TTC28: variants seen among roughly 807,000 people sequenced by gnomAD.
TTC28 encodes the protein tetratricopeptide repeat domain 28.
In TTC28, 61 loss-of-function variants were observed where a neutral mutation model predicts 198.0. That is an observed-to-expected ratio of 0.31 (90% CI 0.25 to 0.38). The LOEUF (loss-of-function observed/expected upper bound fraction) is 0.38. TTC28 is among the 10% of genes least tolerant of loss of function. The pLI is 1.00. For missense variants in TTC28, 2,678 were observed against 3,164.0 expected (o/e 0.85, Z 3.69); for synonymous variants, 1,171 against 1,297.8 (o/e 0.90, Z 2.10).
At chr22:28,617,303 C>T (rs1329575937) in intron 2 of TTC28, among the ~76,000 whole-genome samples, 1 of 148,522 alleles carries the variant, frequency 6.7e-6, no homozygotes, top group Non-Finnish European at 1.5e-5. Flanking sequence ...GTGTTCAAGA[C>T]CATGGGTAAC....
At chr22:28,428,465 A>G (rs1225668242) in intron 2 of TTC28, among the ~76,000 whole-genome samples, 1 of 151,870 alleles carries the variant, frequency 6.6e-6, no homozygotes, top group Non-Finnish European at 1.5e-5. Context: ...ATAGCACCCT[A>G]TCTGTGGTAC....
intron 2 of TTC28, among the ~76,000 whole-genome samples, chr22:28,530,604 T>A (rs1398920308): frequency 6.6e-6 from 1 of 152,094 alleles, no homozygotes; most frequent in African/African-American, 2.4e-5. Flanking sequence ...AGACACGTAA[T>A]TGTCAGATTC....
intron 3 of TTC28, chr22:28,303,860 A>C (rs1487241101): frequency 1.3e-5 from 2 of 151,754 alleles, no homozygotes; most frequent in African/African-American, 4.8e-5. Flanking sequence ...AAAATACAAA[A>C]AAAAAAAAAA....
intron 5 of TTC28, among the ~76,000 whole-genome samples, chr22:28,291,976 C>A (rs916524616): frequency 6.6e-6 from 1 of 151,852 alleles, no homozygotes; most frequent in South Asian, 2.1e-4. Context: ...ATTATAATTA[C>A]ATATATGACT....
chr22:28,644,301 A>G (rs2146245333), intron 1 of TTC28, among the ~76,000 whole-genome samples: 1 of 151,576 alleles, frequency 6.6e-6, no homozygotes, highest in African/African-American at 2.4e-5. Context: ...GAGGAGGCTG[A>G]GGCAGGAGAA....
chr22:28,635,022 A>T (rs2051245144), intron 1 of TTC28, among the ~76,000 whole-genome samples: 1 of 152,238 alleles, frequency 6.6e-6, no homozygotes, highest in African/African-American at 2.4e-5. Context: ...TTAATGAGTT[A>T]GAATAGTACT....
At chr22:28,599,383 C>G (rs1303474608) in intron 2 of TTC28, among the ~76,000 whole-genome samples, 1 of 152,178 alleles carries the variant, frequency 6.6e-6, no homozygotes, top group African/African-American at 2.4e-5. Flanking sequence ...GAAAGAAATG[C>G]TTTGCTATGA....
At chr22:28,394,008 G>A (rs1286065612) in intron 2 of TTC28, among the ~76,000 whole-genome samples, 2 of 152,072 alleles carry the variant, frequency 1.3e-5, no homozygotes, top group African/African-American at 4.8e-5. Context: ...CAAGTAGCTG[G>A]GACTACAGGT....
At chr22:28,360,934 T>C (rs1240330770) in intron 2 of TTC28, among the ~76,000 whole-genome samples, 1 of 152,236 alleles carries the variant, frequency 6.6e-6, no homozygotes, top group Non-Finnish European at 1.5e-5. Flanking sequence ...TCTTTCATGT[T>C]ACTATTGTAA....
chr22:28,325,841 C>A (rs1444976853), intron 2 of TTC28, among the ~76,000 whole-genome samples: 1 of 152,032 alleles, frequency 6.6e-6, no homozygotes, highest in African/African-American at 2.4e-5. Context: ...GGAAAAATGA[C>A]AATACCAAGT....
At chr22:28,520,248 A>G (rs2048877250) in intron 2 of TTC28, among the ~76,000 whole-genome samples, 1 of 152,242 alleles carries the variant, frequency 6.6e-6, no homozygotes, top group African/African-American at 2.4e-5. Flanking sequence ...ACAAAATTGA[A>G]AGGACCTAAT....
Position 27,983,364 on chromosome 22 carries a change from C to G in TTC28, c.6303G>C (p.Gly2101=). The part of the protein sequence containing the change: ...GGMRVSVSSK[G]SISTPNSPVK... ...CTGGAGAATTTGGAGTGCTGATGCT[C>G]CCTTTGGAGCTCACCGAGACTCTCA... Residue 2101 remains glycine, a synonymous_variant, in exon 23 of 23, where the codon GGG becomes GGC. Coordinates refer to ENST00000397906, the MANE Select transcript of TTC28 (RefSeq NM_001145418.2). 6.4e-7 allele frequency: 1 copy of G among 1,551,300 alleles called. No individual in the cohort carries two copies. The highest frequency in any genetic ancestry group is 2.4e-5 in the East Asian group (1 of 40,884).
intron 12 of TTC28, among the ~76,000 whole-genome samples, chr22:28,068,039 T>C (rs1043372481): frequency 3.3e-5 from 5 of 152,200 alleles, no homozygotes; most frequent in African/African-American, 1.2e-4. Context: ...AACTTCATTA[T>C]TGCAGGCCAA....
chr22:28,563,702 T>C (rs190145372), intron 2 of TTC28, among the ~76,000 whole-genome samples: 5 of 152,260 alleles, frequency 3.3e-5, no homozygotes, highest in Admixed American at 6.5e-5. Flanking sequence ...GCTGGTGGGA[T>C]GTAAAATGAT....
intron 2 of TTC28, among the ~76,000 whole-genome samples, chr22:28,501,682 A>G (rs1190744301): frequency 6.6e-6 from 1 of 152,220 alleles, no homozygotes; most frequent in Non-Finnish European, 1.5e-5. Flanking sequence ...AAAATATTAC[A>G]TATCAATGCA....
chr22:28,368,757 A>T (rs950910667), intron 2 of TTC28, among the ~76,000 whole-genome samples: 4 of 152,156 alleles, frequency 2.6e-5, no homozygotes, highest in African/African-American at 9.6e-5. Flanking sequence ...AACAACAAGC[A>T]ATCTGAAAAA....
At chr22:28,394,491 G>A (rs982940582) in intron 2 of TTC28, among the ~76,000 whole-genome samples, 3 of 152,180 alleles carry the variant, frequency 2.0e-5, no homozygotes, top group Non-Finnish European at 2.9e-5. Context: ...GTACTTCCCT[G>A]CTAAGGTTTC....
intron 2 of TTC28, among the ~76,000 whole-genome samples, chr22:28,462,292 C>G (rs969066059): frequency 7.2e-5 from 11 of 152,148 alleles, no homozygotes; most frequent in Non-Finnish European, 1.3e-4. Flanking sequence ...TATGCCACAT[C>G]TGAACAGAAT....
intron 2 of TTC28, among the ~76,000 whole-genome samples, chr22:28,485,963 TTAAG>T (rs2048310104): frequency 6.6e-6 from 1 of 152,072 alleles, no homozygotes; most frequent in Admixed American, 6.5e-5. Context: ...GTTGATAAAT[TTAAG>T]TAAGGAGCTA....
Sources: gnomAD v4.1 joint callset for allele counts (sites outside exome capture counted in the v4.1 genomes callset) on GRCh38, gnomAD v4.1.1 for gene constraint, MANE v1.5 for transcripts, NCBI Gene and HGNC (gene_info 2026-07-23, HGNC 2026-07-21) for gene names.